KPNA6: variants seen among roughly 807,000 people sequenced by gnomAD.
KPNA6 encodes the protein importin subunit alpha-7.
In KPNA6, 9 loss-of-function variants were observed where a neutral mutation model predicts 72.0. That is an observed-to-expected ratio of 0.13 (90% CI 0.08 to 0.22). KPNA6 has a LOEUF of 0.22. KPNA6 is among the 10% of genes least tolerant of loss of function. KPNA6 has a pLI of 1.00. For missense variants in KPNA6, 374 were observed against 655.7 expected, an observed-to-expected ratio of 0.57 and a Z score of 4.69; for synonymous variants, 219 against 242.1, an observed-to-expected ratio of 0.90 and a Z score of 0.89.
chr1:32,110,056 A>ATTTTT (rs750004100), intron 1 of KPNA6, among the ~76,000 whole-genome samples: 3 of 118,308 alleles, frequency 2.5e-5, no homozygotes, highest in Non-Finnish European at 3.4e-5. Context: ...CTGGAATTGA[A>ATTTTT]TTTTTTTTTT....
At position 32,156,777 on chromosome 1, in the gene KPNA6, C is replaced by A. The variant is rs143176949; in HGVS notation, c.139-76C>A. The A allele has an allele frequency of 2.1e-4, 238 of 1,118,520 alleles. 1 individual carries two copies. In the African/African-American group the frequency reaches 3.4e-3, roughly 16 times the overall value. 69.3% of individuals were successfully genotyped at this position (1,118,520 alleles called of 1,614,324 possible). A position where few individuals can be genotyped will look rare whatever the true frequency, so the allele number is the denominator to read the frequency against. ...TCTAGTATATCCTTGTCAGTTATGC[C>A]ATAATTTAACATTGGATTGTTCTTT... On this transcript the variant is annotated intron_variant, in intron 2 of 13. Transcript: ENST00000373625.
chr1:32,128,211 A>T (rs1641567086), intron 1 of KPNA6, among the ~76,000 whole-genome samples: 1 of 151,586 alleles, frequency 6.6e-6, no homozygotes, highest in Non-Finnish European at 1.5e-5. Flanking sequence ...TAGTTATCCC[A>T]GTCTTCTCCT....
chr1:32,145,810 A>T (rs921616912), intron 1 of KPNA6, among the ~76,000 whole-genome samples: 4 of 152,170 alleles, frequency 2.6e-5, no homozygotes, highest in African/African-American at 9.7e-5. Context: ...CCAGTACCAC[A>T]CTGTTTTAAT....
chr1:32,138,710 T>C (rs1420859383), intron 1 of KPNA6, among the ~76,000 whole-genome samples: 1 of 152,170 alleles, frequency 6.6e-6, no homozygotes, highest in Admixed American at 6.6e-5. Context: ...TGAAGAGTGG[T>C]TGGAAGGCTA....
chr1:32,173,173 T>TAAAA lies in KPNA6; in HGVS notation c.*2297_*2300dup, dbSNP rs60616241. 4,886 of 315,012 alleles carry TAAAA rather than the reference T, an allele frequency of 0.016. 90 individuals are homozygous for TAAAA. Among genetic ancestry groups the TAAAA allele is most frequent in the African/African-American group, 0.071 (2,309 of 32,386 alleles). The allele number at this position is 315,012 out of a possible 1,614,324, so 19.5% of individuals were successfully genotyped here. ...ATTAAAAAACCATTCTCTTACAGTT[T>TAAAA]AAAAAAAAAAAAAAAAAAAAAGCCT... On this transcript the variant is annotated 3_prime_UTR_variant, in exon 14 of 14. Coordinates refer to ENST00000373625, the MANE Select transcript of KPNA6 (RefSeq NM_012316.5).
intron 1 of KPNA6, among the ~76,000 whole-genome samples, chr1:32,122,896 G>A (rs550778655): frequency 1.3e-5 from 2 of 150,790 alleles, no homozygotes; most frequent in South Asian, 2.1e-4. Context: ...GGCAGAGGTT[G>A]CAGTGAGCCG....
intron 3 of KPNA6, 114 bp downstream of exon 3, chr1:32,157,059 C>T: frequency 4.2e-6 from 3 of 718,204 alleles, no homozygotes; most frequent in Non-Finnish European, 7.1e-6. Context: ...CAAGTTCTTT[C>T]CTCTGTGGAC....
chr1:32,160,021 A>G (rs1642208434), intron 6 of KPNA6, among the ~76,000 whole-genome samples: 1 of 152,182 alleles, frequency 6.6e-6, no homozygotes, highest in Admixed American at 6.5e-5. Context: ...AACTTTCGCC[A>G]GGCGCGGTGG....
chr1:32,120,685 G>A (rs553181745), intron 1 of KPNA6, among the ~76,000 whole-genome samples: 2 of 149,924 alleles, frequency 1.3e-5, no homozygotes, highest in South Asian at 4.2e-4. Context: ...TCCTGCCTCA[G>A]CCTCCCAAGT....
At chr1:32,157,717 T>C (rs553331692) in intron 4 of KPNA6, among the ~76,000 whole-genome samples, 3 of 152,130 alleles carry the variant, frequency 2.0e-5, no homozygotes, top group Non-Finnish European at 4.4e-5. Flanking sequence ...GCCCTACATA[T>C]TCTCCTCCTC....
chr1:32,129,595 A>T (rs1478396808), intron 1 of KPNA6, among the ~76,000 whole-genome samples: 1 of 150,676 alleles, frequency 6.6e-6, no homozygotes, highest in Non-Finnish European at 1.5e-5. Context: ...TCGCTCTGTC[A>T]CCCAGGCTGG....
intron 1 of KPNA6, among the ~76,000 whole-genome samples, chr1:32,130,004 T>C (rs1474310383): frequency 6.6e-6 from 1 of 152,176 alleles, no homozygotes; most frequent in African/African-American, 2.4e-5. Context: ...TATTAGCTGG[T>C]TCTTCTGCAA....
At chr1:32,129,082 A>G (rs1252468889) in intron 1 of KPNA6, among the ~76,000 whole-genome samples, 1 of 151,934 alleles carries the variant, frequency 6.6e-6, no homozygotes, top group Non-Finnish European at 1.5e-5. Flanking sequence ...CATCCAGCAC[A>G]GCTACCTTCT....
intron 6 of KPNA6, 91 bp from the exon 7 acceptor site, chr1:32,160,524 C>T: frequency 3.2e-6 from 3 of 940,536 alleles, no homozygotes; most frequent in South Asian, 1.3e-5. Context: ...TCATTCTCAT[C>T]CTGGTGGGTA....
intron 5 of KPNA6, among the ~76,000 whole-genome samples, chr1:32,158,781 T>G (rs902720085): frequency 5.8e-4 from 89 of 152,330 alleles, no homozygotes; most frequent in Admixed American, 5.6e-3. Flanking sequence ...TCAAAAGTAA[T>G]GTTAGGAAAC....
chr1:32,128,393 A>T (rs1245612557), intron 1 of KPNA6, among the ~76,000 whole-genome samples: 4 of 71,650 alleles, frequency 5.6e-5, no homozygotes, highest in Non-Finnish European at 7.6e-5. Context: ...GTATTTATAT[A>T]TATATATATA....
At chr1:32,142,883 A>T in intron 1 of KPNA6, 1 of 1,199,224 alleles carries the variant, frequency 8.3e-7, no homozygotes, top group Non-Finnish European at 1.1e-6. Context: ...GTCATAAGCA[A>T]ATATTTGTGA....
chr1:32,159,353 G>A (rs767663491), intron 5 of KPNA6, 47 bp from the exon 6 acceptor site: 18 of 1,602,894 alleles, frequency 1.1e-5, no homozygotes, highest in East Asian at 2.2e-5. Flanking sequence ...AGGCATGGCT[G>A]CTCAGTCTGA....
chr1:32,113,301 G>A lies in KPNA6; in HGVS notation c.4+5167G>A, dbSNP rs373911100. ...CCAGCTACTCAGGAAACTGAAGTGG[G>A]AGAATCACTTGAACCTGGGAGGTTG... On this transcript the variant is annotated intron_variant, in intron 1 of 13. Transcript: ENST00000373625. 2.6e-5 allele frequency among the ~76,000 whole-genome samples: 4 copies of A among 152,074 alleles called. No homozygotes were observed. In the East Asian group the frequency reaches 5.8e-4, roughly 22 times the overall value.
Sources: gnomAD v4.1 joint callset for allele counts (sites outside exome capture counted in the v4.1 genomes callset) on GRCh38, gnomAD v4.1.1 for gene constraint, MANE v1.5 for transcripts, NCBI Gene and HGNC (gene_info 2026-07-23, HGNC 2026-07-21) for gene names.